The following PTPRD variants were observed in gnomAD, a reference collection of about 807,000 sequenced individuals.
PTPRD encodes the protein receptor-type tyrosine-protein phosphatase delta.
In PTPRD, 34 loss-of-function variants were observed where a neutral mutation model predicts 214.5. The ratio of observed to expected loss-of-function variants is 0.16; its 90% CI spans 0.12 to 0.21. PTPRD has a LOEUF of 0.21. PTPRD is among the 10% of genes least tolerant of loss of function. The probability of loss-of-function intolerance (pLI) is 1.00; values close to 1 mark genes in which losing one functional copy is unlikely to be tolerated. For missense variants in PTPRD, 2,545 were observed against 2,398.7 expected, an observed-to-expected ratio of 1.06 and a Z score of -1.27; for synonymous variants, 1,128 against 845.7, an observed-to-expected ratio of 1.33 and a Z score of -5.79.
At chr9:9,417,986 A>C (rs2077478396) in intron 8 of PTPRD, among the ~76,000 whole-genome samples, 1 of 152,074 alleles carries the variant, frequency 6.6e-6, no homozygotes, top group Non-Finnish European at 1.5e-5. Flanking sequence ...GTTTCACCTG[A>C]AAAGTTTTCG....
chr9:9,969,630 TTTTAC>T (rs2094952748), intron 4 of PTPRD, among the ~76,000 whole-genome samples: 1 of 152,176 alleles, frequency 6.6e-6, no homozygotes, highest in Non-Finnish European at 1.5e-5. Context: ...CAAGTTTACA[TTTTAC>T]TTTTGTGGCT....
intron 34 of PTPRD, among the ~76,000 whole-genome samples, chr9:8,439,821 C>T (rs1007758670): frequency 6.6e-6 from 1 of 151,934 alleles, no homozygotes; most frequent in African/African-American, 2.4e-5. Context: ...TGAATTTGAC[C>T]TCACTGTGGT....
At chr9:9,898,104 T>C (rs1779609939) in intron 5 of PTPRD, among the ~76,000 whole-genome samples, 1 of 152,146 alleles carries the variant, frequency 6.6e-6, no homozygotes, top group African/African-American at 2.4e-5. Context: ...AAGGAATGCC[T>C]GTTTTCTCCT....
chr9:9,541,735 C>G (rs2077624042), intron 8 of PTPRD, among the ~76,000 whole-genome samples: 1 of 151,752 alleles, frequency 6.6e-6, no homozygotes, highest in South Asian at 2.1e-4. Context: ...AATAGAAGAG[C>G]TAAGAATGTT....
At chr9:8,419,235 A>T (rs2094178180) in intron 35 of PTPRD, among the ~76,000 whole-genome samples, 2 of 110,630 alleles carry the variant, frequency 1.8e-5, no homozygotes, top group African/African-American at 3.7e-5. Flanking sequence ...CCAAAAAATT[A>T]AAAAAAAAAA....
chr9:8,555,900 A>G (rs2083591569), intron 14 of PTPRD, among the ~76,000 whole-genome samples: 1 of 152,130 alleles, frequency 6.6e-6, no homozygotes, highest in South Asian at 2.1e-4. Context: ...TTTATATTGC[A>G]CCCTTGGGGA....
At chr9:10,553,928 C>CA (rs2061905102) in intron 2 of PTPRD, among the ~76,000 whole-genome samples, 1 of 152,166 alleles carries the variant, frequency 6.6e-6, no homozygotes, top group Admixed American at 6.5e-5. Flanking sequence ...TTGGTAAACT[C>CA]AGTTTCTGGG....
intron 2 of PTPRD, among the ~76,000 whole-genome samples, chr9:10,459,007 G>A (rs113747247): frequency 3.6e-4 from 54 of 152,076 alleles, no homozygotes; most frequent in Admixed American, 2.6e-3. Context: ...CTATCAACCC[G>A]TCATCTACAT....
At chr9:9,864,852 A>C (rs2063586942) in intron 5 of PTPRD, among the ~76,000 whole-genome samples, 1 of 152,114 alleles carries the variant, frequency 6.6e-6, no homozygotes, top group Admixed American at 6.5e-5. Context: ...TGCATTATTC[A>C]CATTAAAATT....
At chr9:9,478,548 G>C (rs540432193) in intron 8 of PTPRD, among the ~76,000 whole-genome samples, 1 of 152,090 alleles carries the variant, frequency 6.6e-6, no homozygotes, top group Non-Finnish European at 1.5e-5. Context: ...CCAAGGTCAC[G>C]CAGTAAGTAA....
chr9:9,800,015 C>T (rs1260507145), intron 5 of PTPRD, among the ~76,000 whole-genome samples: 1 of 152,126 alleles, frequency 6.6e-6, no homozygotes, highest in Non-Finnish European at 1.5e-5. Flanking sequence ...GGTGGATGAG[C>T]CACTTGACAT....
At chr9:8,920,615 T>C (rs1481859860) in intron 11 of PTPRD, among the ~76,000 whole-genome samples, 1 of 152,092 alleles carries the variant, frequency 6.6e-6, no homozygotes, top group Non-Finnish European at 1.5e-5. Context: ...AATCTCATAA[T>C]GTTTTAAGAA....
intron 14 of PTPRD, among the ~76,000 whole-genome samples, chr9:8,614,296 C>T (rs954422310): frequency 1.3e-5 from 2 of 152,036 alleles, no homozygotes; most frequent in Non-Finnish European, 2.9e-5. Flanking sequence ...TTTGAGTTGC[C>T]CAACACATGC....
At chr9:10,545,910 T>C (rs991150431) in intron 2 of PTPRD, among the ~76,000 whole-genome samples, 7 of 152,174 alleles carry the variant, frequency 4.6e-5, no homozygotes, top group African/African-American at 1.7e-4. Flanking sequence ...ATGGATTCCC[T>C]GATCAAATTA....
At chr9:10,402,914 T>A (rs546345690) in intron 2 of PTPRD, among the ~76,000 whole-genome samples, 3 of 151,614 alleles carry the variant, frequency 2.0e-5, no homozygotes, top group African/African-American at 7.2e-5. Context: ...TACCTAGCCA[T>A]TAGATCTGTT....
chr9:8,508,899 G>GTGTC (rs1014050702), intron 21 of PTPRD, among the ~76,000 whole-genome samples: 2 of 148,342 alleles, frequency 1.3e-5, no homozygotes, highest in African/African-American at 5.1e-5. Context: ...GTCTGTGTGT[G>GTGTC]TGTGTGTGTG....
chr9:8,592,263 A>G (rs2094162455), intron 14 of PTPRD, among the ~76,000 whole-genome samples: 1 of 152,206 alleles, frequency 6.6e-6, no homozygotes, highest in Admixed American at 6.5e-5. Context: ...CTCAAAGTAC[A>G]CCCCCAAATT....
chr9:8,834,631 C>T (rs1030684185), intron 11 of PTPRD, among the ~76,000 whole-genome samples: 1 of 152,076 alleles, frequency 6.6e-6, no homozygotes, highest in Non-Finnish European at 1.5e-5. Context: ...ATGTTCACAG[C>T]AATAGTATGA....
intron 35 of PTPRD, among the ~76,000 whole-genome samples, chr9:8,417,247 T>G (rs868638176): frequency 2.0e-5 from 3 of 152,104 alleles, no homozygotes; most frequent in Non-Finnish European, 4.4e-5. Flanking sequence ...ATCTTTACTT[T>G]AATAATTGGG....
Sources: gnomAD v4.1 joint callset for allele counts (sites outside exome capture counted in the v4.1 genomes callset) on GRCh38, gnomAD v4.1.1 for gene constraint, MANE v1.5 for transcripts, NCBI Gene and HGNC (gene_info 2026-07-23, HGNC 2026-07-21) for gene names.